The following RUNX1T1 variants were observed in gnomAD, a reference collection of about 807,000 sequenced individuals.
The protein encoded by RUNX1T1 is protein CBFA2T1.
A neutral mutation model predicts 62.8 loss-of-function variants in RUNX1T1; 4 were observed. The ratio of observed to expected loss-of-function variants is 0.06; its 90% CI spans 0.03 to 0.15. The LOEUF is 0.15. Ranked by LOEUF, RUNX1T1 falls within the 10% of genes least tolerant of loss-of-function variation. The pLI is 1.00. For synonymous variants in RUNX1T1, 291 were observed against 286.0 expected, an observed-to-expected ratio of 1.02 and a Z score of -0.18; for missense variants, 508 against 754.3, an observed-to-expected ratio of 0.67 and a Z score of 3.82.
chr8:91,960,175 T>C, exon 11 of RUNX1T1: 1 of 1,505,964 alleles, frequency 6.6e-7, no homozygotes, highest in Non-Finnish European at 9.0e-7. Flanking sequence ...ACTTTGAGCA[T>C]CTGAGGATGA....
At chr8:92,045,505 G>A (rs780986460) in intron 1 of RUNX1T1, among the ~76,000 whole-genome samples, 7 of 152,136 alleles carry the variant, frequency 4.6e-5, no homozygotes, top group Non-Finnish European at 7.4e-5. Context: ...AGACCACTCT[G>A]CCAATTACGC....
intron 8 of RUNX1T1, among the ~76,000 whole-genome samples, chr8:91,982,701 TG>T (rs1156407574): frequency 6.6e-6 from 1 of 152,168 alleles, no homozygotes; most frequent in Non-Finnish European, 1.5e-5. Flanking sequence ...GTTGGATACT[TG>T]GAGTTTTCCC....
chr8:92,079,757 C>T lies in RUNX1T1; in HGVS notation c.-85-3620G>A, dbSNP rs1834958380. On this transcript the variant is annotated intron_variant, in intron 1 of 11. Coordinates refer to the RUNX1T1 transcript ENST00000265814. ...GGCACTCATCTACAGTTTTCAGCCT[C>T]CACTCCAACCACGCCCTTCCAGAGT... Among the ~76,000 whole-genome samples the T allele has an allele frequency of 1.3e-5, 2 of 152,130 alleles. 1 individual carries two copies. Among genetic ancestry groups the T allele is most frequent in the South Asian group, 4.1e-4 (2 of 4,832 alleles).
At chr8:91,987,816 C>G (rs1039371301) in intron 6 of RUNX1T1, among the ~76,000 whole-genome samples, 7 of 152,114 alleles carry the variant, frequency 4.6e-5, no homozygotes, top group Non-Finnish European at 7.4e-5. Context: ...TGTTATTCCT[C>G]TTACATATTC....
At chr8:92,027,105 A>C (rs1252072030) in intron 1 of RUNX1T1, among the ~76,000 whole-genome samples, 1 of 145,448 alleles carries the variant, frequency 6.9e-6, no homozygotes, top group Non-Finnish European at 1.5e-5. Flanking sequence ...GACAGAGCGA[A>C]ACTCCGTCTC....
chr8:92,065,409 G>A (rs1249630123), upstream of RUNX1T1, among the ~76,000 whole-genome samples: 1 of 152,180 alleles, frequency 6.6e-6, no homozygotes, highest in South Asian at 2.1e-4. Context: ...CACCAATTAA[G>A]TACTTCCTCA....
downstream of RUNX1T1, chr8:91,958,771 T>C (rs969074857): frequency 1.1e-5 from 2 of 185,556 alleles, no homozygotes; most frequent in African/African-American, 4.7e-5. Flanking sequence ...TAGGGAGTCA[T>C]TGTGACAGTG....
upstream of RUNX1T1, chr8:92,103,002 GC>G: frequency 1.9e-6 from 2 of 1,060,928 alleles, no homozygotes; most frequent in Non-Finnish European, 2.5e-6. Context: ...GCGGCCACTC[GC>G]CCACGCGCGC....
intron 1 of RUNX1T1, among the ~76,000 whole-genome samples, chr8:92,034,690 G>GTA (rs111780855): frequency 0.016 from 2,395 of 148,322 alleles, 81 homozygotes; most frequent in African/African-American, 0.054. Context: ...GTGTGTGTGT[G>GTA]TATACATGTA....
At chr8:92,002,963 A>T (rs1820054191) in intron 5 of RUNX1T1, among the ~76,000 whole-genome samples, 1 of 152,174 alleles carries the variant, frequency 6.6e-6, no homozygotes, top group Admixed American at 6.5e-5. Context: ...AAATTCCCAC[A>T]AGATACAAAT....
At chr8:92,040,263 T>C (rs1015302101) in intron 1 of RUNX1T1, among the ~76,000 whole-genome samples, 2 of 152,206 alleles carry the variant, frequency 1.3e-5, no homozygotes, top group African/African-American at 4.8e-5. Flanking sequence ...GATCATTACC[T>C]TCTTTGGGCT....
intron 10 of RUNX1T1, among the ~76,000 whole-genome samples, chr8:91,961,384 A>G (rs973787109): frequency 7.2e-5 from 11 of 152,240 alleles, no homozygotes; most frequent in Non-Finnish European, 1.6e-4. Flanking sequence ...TGTGTGCCTC[A>G]GCAACTCTGG....
chr8:92,062,624 T>G (rs1230383458), exon 1 of RUNX1T1: 1 of 1,613,872 alleles, frequency 6.2e-7, no homozygotes, highest in Non-Finnish European at 8.5e-7. Context: ...TCATGCCTCC[T>G]GTTCTGGAAT....
chr8:91,999,488 CA>C (rs1819351882), intron 5 of RUNX1T1, among the ~76,000 whole-genome samples: 1 of 152,090 alleles, frequency 6.6e-6, no homozygotes, highest in Non-Finnish European at 1.5e-5. Context: ...ATAAGTTAAT[CA>C]AAGCATTTTG....
intron 5 of RUNX1T1, among the ~76,000 whole-genome samples, chr8:91,995,356 G>C (rs1017780318): frequency 1.3e-5 from 2 of 152,144 alleles, no homozygotes; most frequent in African/African-American, 4.8e-5. Flanking sequence ...GTCCTAAAAG[G>C]CAGGCTAGGG....
chr8:92,004,787 A>C lies in RUNX1T1; in HGVS notation c.659+329T>G, dbSNP rs796482923. ...AAAATATGTGGTTGGGTTAAATTAC[A>C]TAATGAATGAGAATTTTAATATTGA... is the stretch of plus-strand genomic sequence containing the variant. On this transcript the variant is annotated intron_variant, in intron 5 of 10. Coordinates refer to ENST00000396218, the Ensembl canonical transcript of RUNX1T1. 21 of 208,658 alleles carry C rather than the reference A, an allele frequency of 1.0e-4. 1 individual carries two copies. Among genetic ancestry groups the C allele is most frequent in the Middle Eastern group, 1.7e-3 (1 of 600 alleles). 12.9% of individuals were successfully genotyped at this position (208,658 alleles called of 1,614,324 possible).
chr8:92,007,967 CAA>C (rs34232877), intron 4 of RUNX1T1, among the ~76,000 whole-genome samples: 1,296 of 85,344 alleles, frequency 0.015, 10 homozygotes, highest in African/African-American at 0.045. Context: ...GACTTTGTTT[CAA>C]AAAAAAAAAA....
intron 4 of RUNX1T1, among the ~76,000 whole-genome samples, chr8:92,009,394 C>T (rs1264394379): frequency 1.3e-5 from 2 of 151,942 alleles, no homozygotes; most frequent in Non-Finnish European, 1.5e-5. Context: ...TGGTTTTTGT[C>T]ATTAATGTCT....
intron 3 of RUNX1T1, among the ~76,000 whole-genome samples, chr8:92,013,024 C>T (rs1822281034): frequency 1.3e-5 from 2 of 151,824 alleles, no homozygotes; most frequent in Non-Finnish European, 2.9e-5. Context: ...AATTATGGAA[C>T]CACTGTTAAT....
Sources: gnomAD v4.1 joint callset for allele counts (sites outside exome capture counted in the v4.1 genomes callset) on GRCh38, gnomAD v4.1.1 for gene constraint, MANE v1.5 for transcripts, NCBI Gene and HGNC (gene_info 2026-07-23, HGNC 2026-07-21) for gene names.